ZFHX3: variants seen among roughly 807,000 people sequenced by gnomAD.
ZFHX3 encodes zinc finger homeobox 3, also known as zinc finger homeobox protein 3.
A neutral mutation model predicts 279.1 loss-of-function variants in ZFHX3; 42 were observed. That is an observed-to-expected ratio of 0.15 (90% confidence interval 0.12 to 0.19). The LOEUF is 0.19. Ranked by LOEUF, ZFHX3 falls within the 10% of genes least tolerant of loss-of-function variation. The probability of loss-of-function intolerance (pLI) is 1.00; values close to 1 mark genes in which losing one functional copy is unlikely to be tolerated. For missense variants in ZFHX3, 4,981 were observed against 4,754.0 expected (o/e 1.05, Z -1.40); for synonymous variants, 2,293 against 1,957.8 (o/e 1.17, Z -4.52).
chr16:73,496,790 G>A (rs2019149309), intron 2 of ZFHX3, among the ~76,000 whole-genome samples: 2 of 152,284 alleles, frequency 1.3e-5, no homozygotes, highest in African/African-American at 4.8e-5. Context: ...GGGAGGCACT[G>A]GGAGGAGTCT....
chr16:73,014,363 T>TA (rs1177929727), intron 1 of ZFHX3: 1 of 152,224 alleles, frequency 6.6e-6, no homozygotes. Flanking sequence ...CAGCCATTCT[T>TA]TAGACATGAA....
intron 7 of ZFHX3, among the ~76,000 whole-genome samples, chr16:73,115,557 C>CA (rs1966422411): frequency 6.6e-6 from 1 of 151,874 alleles, no homozygotes; most frequent in South Asian, 2.1e-4. Flanking sequence ...CTGAAGAGTC[C>CA]AATGTCCATA....
intron 2 of ZFHX3, among the ~76,000 whole-genome samples, chr16:73,489,911 TTGTC>T (rs1334866245): frequency 6.6e-6 from 1 of 152,162 alleles, no homozygotes; most frequent in African/African-American, 2.4e-5. Flanking sequence ...ATGTCAAAAT[TTGTC>T]TGAACTGCAC....
chr16:73,628,347 G>A (rs1490239011), intron 2 of ZFHX3, among the ~76,000 whole-genome samples: 1 of 152,070 alleles, frequency 6.6e-6, no homozygotes, highest in Non-Finnish European at 1.5e-5. Flanking sequence ...GGATCTATAA[G>A]AGCATCCATT....
intron 2 of ZFHX3, among the ~76,000 whole-genome samples, chr16:73,503,823 G>C (rs1013209266): frequency 1.3e-5 from 2 of 152,218 alleles, no homozygotes; most frequent in South Asian, 2.1e-4. Flanking sequence ...TTTGGTAACA[G>C]TTTTGACCTG....
intron 3 of ZFHX3, among the ~76,000 whole-genome samples, chr16:73,376,699 T>G (rs2016728686): frequency 6.6e-6 from 1 of 152,108 alleles, no homozygotes; most frequent in African/African-American, 2.4e-5. Context: ...GAGAGGCGGA[T>G]GGAATGTGGC....
At chr16:73,794,107 GC>G (rs1567412718) in intron 1 of ZFHX3, 1 of 152,022 alleles carries the variant, frequency 6.6e-6, no homozygotes, top group African/African-American at 2.4e-5. Flanking sequence ...CTCTCCAACC[GC>G]CCCCGCGAAA....
intron 1 of ZFHX3, among the ~76,000 whole-genome samples, chr16:73,000,596 G>A (rs13333860): frequency 3.3e-5 from 5 of 152,086 alleles, no homozygotes; most frequent in South Asian, 2.1e-4. Flanking sequence ...GTCTCGACCC[G>A]TGGGCTCCCA....
At chr16:73,038,906 AC>A (rs1422125201) in intron 1 of ZFHX3, among the ~76,000 whole-genome samples, 2 of 151,370 alleles carry the variant, frequency 1.3e-5, no homozygotes, top group Non-Finnish European at 2.9e-5. Context: ...CAAGCAATCC[AC>A]CCACCTCAGC....
chr16:72,833,270 T>G (rs982004260), intron 4 of ZFHX3, among the ~76,000 whole-genome samples: 4 of 152,214 alleles, frequency 2.6e-5, no homozygotes, highest in African/African-American at 7.2e-5. Context: ...TTGTTCTCTT[T>G]AGGAATGTAG....
intron 1 of ZFHX3, among the ~76,000 whole-genome samples, chr16:73,735,771 C>A (rs1325645634): frequency 6.6e-6 from 1 of 152,114 alleles, no homozygotes; most frequent in African/African-American, 2.4e-5. Flanking sequence ...TACAGTTCCA[C>A]CTTAAATAAG....
intron 3 of ZFHX3, among the ~76,000 whole-genome samples, chr16:73,398,501 A>G (rs1361243941): frequency 6.6e-6 from 1 of 152,168 alleles, no homozygotes; most frequent in Non-Finnish European, 1.5e-5. Flanking sequence ...TGTTTGTTAA[A>G]TTTTCAGGAG....
At chr16:72,950,349 C>T (rs1359309024) in intron 3 of ZFHX3, 120 bp downstream of exon 3, 1 of 1,474,712 alleles carries the variant, frequency 6.8e-7, no homozygotes, top group African/African-American at 1.4e-5. Flanking sequence ...GGTTCCCAAC[C>T]AACAGCCAAG....
At chr16:73,839,510 C>T (rs1461960373) in intron 1 of ZFHX3, among the ~76,000 whole-genome samples, 1 of 152,078 alleles carries the variant, frequency 6.6e-6, no homozygotes, top group Non-Finnish European at 1.5e-5. Flanking sequence ...TAAGCAATCA[C>T]TATGATGAAA....
chr16:73,045,635 ATTTACAT>A, intron 1 of ZFHX3, among the ~76,000 whole-genome samples: 1 of 133,424 alleles, frequency 7.5e-6, no homozygotes, highest in Non-Finnish European at 1.6e-5. Context: ...AGCAGCATGG[ATTTACAT>A]TATTATTATT....
chr16:73,108,553 G>C (rs1175059731), intron 7 of ZFHX3, among the ~76,000 whole-genome samples: 1 of 151,978 alleles, frequency 6.6e-6, no homozygotes, highest in Non-Finnish European at 1.5e-5. Flanking sequence ...ACACCCAGTG[G>C]ATGTATGTTA....
At chr16:73,736,176 C>G (rs993501077) in intron 1 of ZFHX3, among the ~76,000 whole-genome samples, 1 of 152,136 alleles carries the variant, frequency 6.6e-6, no homozygotes, top group African/African-American at 2.4e-5. Flanking sequence ...AGTTTGTGCC[C>G]ACAGATTCAG....
intron 1 of ZFHX3, among the ~76,000 whole-genome samples, chr16:73,688,399 A>G (rs533580018): frequency 1.4e-4 from 21 of 150,108 alleles, no homozygotes; most frequent in African/African-American, 4.9e-4. Context: ...TTTAATCCCC[A>G]TGCAAGTATT....
intron 4 of ZFHX3, among the ~76,000 whole-genome samples, chr16:73,267,248 T>G (rs2014002806): frequency 6.6e-6 from 1 of 152,088 alleles, no homozygotes; most frequent in Non-Finnish European, 1.5e-5. Flanking sequence ...ATCTCTCCCT[T>G]GGGCCTGTGG....
Sources: gnomAD v4.1 joint callset for allele counts (sites outside exome capture counted in the v4.1 genomes callset) on GRCh38, gnomAD v4.1.1 for gene constraint, MANE v1.5 for transcripts, NCBI Gene and HGNC (gene_info 2026-07-23, HGNC 2026-07-21) for gene names.